ADORA2B: variants seen among roughly 807,000 people sequenced by gnomAD.
The protein encoded by ADORA2B is adenosine receptor A2b.
Under a neutral mutation model 20.8 loss-of-function variants are expected in ADORA2B, and 18 were observed. The ratio of observed to expected loss-of-function variants is 0.87; its 90% CI spans 0.60 to 1.29. ADORA2B has a LOEUF of 1.29. Ranked by LOEUF, ADORA2B falls within the 50% of genes most tolerant of loss-of-function variation. The pLI, the probability that ADORA2B is intolerant of heterozygous loss-of-function variation, is 0.00. For missense variants in ADORA2B, 441 were observed against 422.7 expected (o/e 1.04, Z -0.38); for synonymous variants, 179 against 178.3 (o/e 1.00, Z -0.03).
the ADORA2B span, among the ~76,000 whole-genome samples, chr17:15,896,428 A>C: frequency 0.21 from 31,783 of 152,112 alleles, 3,880 homozygotes; most frequent in Non-Finnish European, 0.28. Flanking sequence ...GAAAATGTGG[A>C]ATTAAAACCA....
At chr17:15,857,137 A>G in the ADORA2B span, among the ~76,000 whole-genome samples, 1 of 152,226 alleles carries the variant, frequency 6.6e-6, no homozygotes, top group Non-Finnish European at 1.5e-5. Context: ...GAAGGGGCCA[A>G]TGTACAGCTT....
At chr17:15,929,091 C>G in the ADORA2B span, among the ~76,000 whole-genome samples, 2,449 of 152,080 alleles carry the variant, frequency 0.016, 24 homozygotes, top group Non-Finnish European at 0.025. Flanking sequence ...TCAGGGGAGA[C>G]CCCGACTTCT....
chr17:15,870,717 A>G, the ADORA2B span, among the ~76,000 whole-genome samples: 2 of 152,240 alleles, frequency 1.3e-5, no homozygotes, highest in African/African-American at 4.8e-5. Flanking sequence ...GCCAACAGCA[A>G]GCAACCCCTG....
the ADORA2B span, among the ~76,000 whole-genome samples, chr17:15,916,914 A>G: frequency 6.6e-6 from 1 of 152,224 alleles, no homozygotes; most frequent in Non-Finnish European, 1.5e-5. Context: ...AGGCAAAGCA[A>G]GGATTTAAAC....
At chr17:15,863,756 T>G in the ADORA2B span, among the ~76,000 whole-genome samples, 20 of 152,340 alleles carry the variant, frequency 1.3e-4, no homozygotes, top group Middle Eastern at 3.4e-3. Flanking sequence ...GAATTAAAGT[T>G]CTAGCCTGAA....
At chr17:15,863,163 A>G in the ADORA2B span, among the ~76,000 whole-genome samples, 1 of 152,170 alleles carries the variant, frequency 6.6e-6, no homozygotes, top group African/African-American at 2.4e-5. Flanking sequence ...CCTTTTCATT[A>G]TACCAGAAAT....
intron 1 of ADORA2B, among the ~76,000 whole-genome samples, chr17:15,971,152 AAGG>A (rs1970184790): frequency 6.6e-6 from 1 of 152,226 alleles, no homozygotes. Context: ...CCTGTGAACA[AAGG>A]AGGAGTAAGG....
the ADORA2B span, among the ~76,000 whole-genome samples, chr17:15,896,127 AG>A: frequency 6.6e-6 from 1 of 152,352 alleles, no homozygotes; most frequent in East Asian, 1.9e-4. Context: ...TATGCTGCAT[AG>A]AGACCTTAGA....
intron 1 of ADORA2B, among the ~76,000 whole-genome samples, chr17:15,956,198 G>C (rs1969963817): frequency 6.6e-6 from 1 of 152,090 alleles, no homozygotes. Context: ...ATTTTAAATT[G>C]ACTTTGAAAA....
the ADORA2B span, among the ~76,000 whole-genome samples, chr17:15,927,982 C>T: frequency 0.039 from 6,003 of 152,160 alleles, 422 homozygotes; most frequent in African/African-American, 0.14. Flanking sequence ...CCACCACACC[C>T]GGCTACTTTT....
At chr17:15,866,807 T>C in the ADORA2B span, among the ~76,000 whole-genome samples, 1 of 150,316 alleles carries the variant, frequency 6.7e-6, no homozygotes, top group South Asian at 2.1e-4. Context: ...CCTCTGCCTC[T>C]CTTTCCACAG....
chr17:15,912,138 C>G, the ADORA2B span, among the ~76,000 whole-genome samples: 1 of 149,212 alleles, frequency 6.7e-6, no homozygotes, highest in South Asian at 2.1e-4. Context: ...TCGCTTGAAC[C>G]TGGGAGGTGG....
At chr17:15,874,060 GTGTGTGTGTATA>G in the ADORA2B span, among the ~76,000 whole-genome samples, 2 of 56,960 alleles carry the variant, frequency 3.5e-5, no homozygotes, top group South Asian at 1.3e-3. Flanking sequence ...ATATATATAT[GTGTGTGTGTATA>G]TATATATATG....
chr17:15,965,869 C>T (rs1970109771), intron 1 of ADORA2B, among the ~76,000 whole-genome samples: 1 of 152,258 alleles, frequency 6.6e-6, no homozygotes, highest in African/African-American at 2.4e-5. Context: ...ACTGTCTTGG[C>T]ACCTGTCAGC....
At chr17:15,875,699 C>T in the ADORA2B span, among the ~76,000 whole-genome samples, 3 of 152,234 alleles carry the variant, frequency 2.0e-5, no homozygotes, top group South Asian at 6.2e-4. Flanking sequence ...TCTCCTGCCT[C>T]AGCCTCCCAA....
the ADORA2B span, among the ~76,000 whole-genome samples, chr17:15,923,206 A>ATCTTTTTTTTTTT: frequency 8.8e-6 from 1 of 113,528 alleles, no homozygotes; most frequent in African/African-American, 3.6e-5. Flanking sequence ...TCTTTTTTTA[A>ATCTTTTTTTTTTT]TTTTTTTTTT....
At chr17:15,949,079 G>T (rs1457610360) in intron 1 of ADORA2B, among the ~76,000 whole-genome samples, 1 of 151,066 alleles carries the variant, frequency 6.6e-6, no homozygotes, top group Non-Finnish European at 1.5e-5. Flanking sequence ...GTGGTGGTGG[G>T]TGCCTGTAAT....
At chr17:15,865,880 A>T in the ADORA2B span, among the ~76,000 whole-genome samples, 1 of 148,720 alleles carries the variant, frequency 6.7e-6, no homozygotes, top group Non-Finnish European at 1.5e-5. Flanking sequence ...GGCAAGAAGG[A>T]TGGGAGAAGG....
chr17:15,908,792 T>G, the ADORA2B span, among the ~76,000 whole-genome samples: 1 of 151,634 alleles, frequency 6.6e-6, no homozygotes, highest in East Asian at 1.9e-4. Flanking sequence ...AGAAACAGAG[T>G]GTACCTGTTT....
Sources: gnomAD v4.1 joint callset for allele counts (sites outside exome capture counted in the v4.1 genomes callset) on GRCh38, gnomAD v4.1.1 for gene constraint, MANE v1.5 for transcripts, NCBI Gene and HGNC (gene_info 2026-07-23, HGNC 2026-07-21) for gene names.